RELL1: variants seen among roughly 807,000 people sequenced by gnomAD.
RELL1 encodes RELT like 1.
RELL1 carries 10 observed loss-of-function variants against 23.0 expected under a neutral mutation model. The ratio of observed to expected loss-of-function variants is 0.43; its 90% CI spans 0.27 to 0.74. RELL1 has a LOEUF of 0.74. Ranked by LOEUF, RELL1 falls within the 30% of genes least tolerant of loss-of-function variation. The probability of loss-of-function intolerance (pLI) is 0.19; values close to 1 mark genes in which losing one functional copy is unlikely to be tolerated. For missense variants in RELL1, 315 were observed against 364.4 expected, an observed-to-expected ratio of 0.86 and a Z score of 1.10; for synonymous variants, 146 against 146.8, an observed-to-expected ratio of 0.99 and a Z score of 0.04.
intron 6 of RELL1, among the ~76,000 whole-genome samples, chr4:37,593,298 C>A (rs1195027260): frequency 6.6e-6 from 1 of 152,054 alleles, no homozygotes; most frequent in Non-Finnish European, 1.5e-5. Context: ...AGTTAGTGAT[C>A]CAGGGTGGTA....
At position 37,658,464 on chromosome 4, in the gene RELL1, C is replaced by T. The variant is rs369185443; in HGVS notation, c.89-8964G>A. Among the ~76,000 whole-genome samples the T allele has an allele frequency of 6.9e-4, 105 of 152,368 alleles. 2 individuals carry two copies. In the South Asian group the frequency reaches 0.019, roughly 27 times the overall value. ...GCCAACACTAAGCTAAGCATTGAAT[C>T]TTCACAGTAAACCTATAAAATGGTT... is the stretch of plus-strand genomic sequence containing the variant. On this transcript the variant is annotated intron_variant, in intron 1 of 6. Coordinates refer to ENST00000454158, the MANE Select transcript of RELL1 (RefSeq NM_001085400.2).
intron 1 of RELL1, among the ~76,000 whole-genome samples, chr4:37,669,136 T>G: frequency 1.9e-5 from 2 of 107,212 alleles, no homozygotes; most frequent in African/African-American, 4.1e-5. Flanking sequence ...TACTGGGAAG[T>G]GAGGAGCCCC....
chr4:37,674,078 T>C (rs141429515), intron 1 of RELL1, among the ~76,000 whole-genome samples: 2 of 152,304 alleles, frequency 1.3e-5, no homozygotes, highest in African/African-American at 4.8e-5. Flanking sequence ...ATCGCCCTTA[T>C]CAGAAGGAAA....
At chr4:37,655,259 AT>A (rs1721081204) in intron 1 of RELL1, among the ~76,000 whole-genome samples, 4 of 152,104 alleles carry the variant, frequency 2.6e-5, no homozygotes, top group Admixed American at 6.5e-5. Context: ...ATATATATAT[AT>A]AAAAAGCAAG....
At chr4:37,680,873 A>T (rs1420933878) in intron 1 of RELL1, among the ~76,000 whole-genome samples, 4 of 148,350 alleles carry the variant, frequency 2.7e-5, no homozygotes, top group Non-Finnish European at 1.5e-5. Context: ...CGGAGCTTGC[A>T]GTGAGCTGAG....
chr4:37,685,168 T>A (rs1722358609), intron 1 of RELL1, among the ~76,000 whole-genome samples: 1 of 152,246 alleles, frequency 6.6e-6, no homozygotes, highest in African/African-American at 2.4e-5. Flanking sequence ...GACTGAAATG[T>A]TCTCAGGAGG....
At chr4:37,634,252 G>A (rs1720238267) in intron 5 of RELL1, among the ~76,000 whole-genome samples, 2 of 152,226 alleles carry the variant, frequency 1.3e-5, no homozygotes, top group Admixed American at 1.3e-4. Context: ...CTAAAAGAAA[G>A]CAGTCAAAGC....
intron 6 of RELL1, among the ~76,000 whole-genome samples, chr4:37,614,651 T>TAG (rs1719514609): frequency 6.9e-6 from 1 of 144,294 alleles, no homozygotes; most frequent in Admixed American, 7.0e-5. Flanking sequence ...AGGCCAGAGG[T>TAG]AGAGACATAT....
intron 6 of RELL1, among the ~76,000 whole-genome samples, chr4:37,625,810 A>T (rs1029061953): frequency 2.0e-5 from 3 of 152,250 alleles, no homozygotes; most frequent in African/African-American, 7.2e-5. Context: ...TATGTCAATC[A>T]GCTCAATTTA....
chr4:37,596,727 TATATA>T (rs1176413318), intron 6 of RELL1, among the ~76,000 whole-genome samples: 3 of 17,040 alleles, frequency 1.8e-4, no homozygotes, highest in Admixed American at 4.3e-4. Context: ...TATATATATA[TATATA>T]TATATTTTTT....
In RELL1 at chr4:37,628,354, G is replaced by C. The variant is rs537564630; in HGVS notation, c.*3+3031C>G. ...CTTAAGACCTTCATCTGCAAAATGG[G>C]GTACTAGCACCTATAGACTGCCGTG... On this transcript the variant is annotated intron_variant, in intron 6 of 6. Coordinates refer to ENST00000454158, the MANE Select transcript of RELL1 (RefSeq NM_001085400.2). Among the ~76,000 whole-genome samples the C allele has an allele frequency of 2.0e-5, 3 of 151,830 alleles. No homozygotes were observed. The South Asian group carries it at 6.2e-4, about 32-fold the overall frequency.
At chr4:37,676,937 C>T (rs762282456) in intron 1 of RELL1, among the ~76,000 whole-genome samples, 1 of 152,130 alleles carries the variant, frequency 6.6e-6, no homozygotes, top group Non-Finnish European at 1.5e-5. Context: ...CGTAGTCCCT[C>T]CCTCACCAAA....
chr4:37,594,886 G>A (rs1432212050), intron 6 of RELL1, among the ~76,000 whole-genome samples: 2 of 152,152 alleles, frequency 1.3e-5, no homozygotes, highest in African/African-American at 4.8e-5. Context: ...TGACTTCCCT[G>A]GTTTGGTCGT....
rs890854613 is a variant in RELL1, at chr4:37,686,354, C to G, written c.-67G>C. 3.4e-5 allele frequency: 43 copies of G among 1,260,798 alleles called. No homozygotes were observed. The highest frequency in any genetic ancestry group is 2.5e-4 in the East Asian group (8 of 32,156). 78.1% of individuals were successfully genotyped at this position (1,260,798 alleles called of 1,614,324 possible). On this transcript the variant is annotated 5_prime_UTR_variant, in exon 1 of 7. Transcript: ENST00000454158. ...CGCGCTCGGGAAGGCAGAGCCGCTC[C>G]GGAGCCGGCGGGCTGATCGAGTGGC...
intron 1 of RELL1, among the ~76,000 whole-genome samples, chr4:37,681,516 CTGTTTT>C (rs1722220939): frequency 2.7e-5 from 3 of 110,284 alleles, no homozygotes; most frequent in South Asian, 3.0e-4. Context: ...GGGTCTCCTT[CTGTTTT>C]TTTTTTTTTT....
chr4:37,652,480 T>G (rs1039002792), intron 1 of RELL1, among the ~76,000 whole-genome samples: 1 of 152,270 alleles, frequency 6.6e-6, no homozygotes, highest in African/African-American at 2.4e-5. Context: ...GTTTTCTTTA[T>G]TAATTCCTTT....
chr4:37,605,933 GAGA>G (rs1435148242), downstream of RELL1, among the ~76,000 whole-genome samples: 3 of 140,706 alleles, frequency 2.1e-5, no homozygotes, highest in South Asian at 2.3e-4. Context: ...GAGGGAGAGA[GAGA>G]AGGAGAGAAA....
At chr4:37,589,822 G>A (rs1718505948), downstream of RELL1, among the ~76,000 whole-genome samples, 1 of 152,138 alleles carries the variant, frequency 6.6e-6, no homozygotes, top group South Asian at 2.1e-4. Flanking sequence ...AGTAAAGATG[G>A]GGTTTCACCA....
chr4:37,660,300 G>C (rs553774398), intron 1 of RELL1, among the ~76,000 whole-genome samples: 11 of 151,980 alleles, frequency 7.2e-5, no homozygotes, highest in Non-Finnish European at 1.5e-4. Context: ...TTACAAGCAG[G>C]AGCTGATGTT....
Sources: gnomAD v4.1 joint callset for allele counts (sites outside exome capture counted in the v4.1 genomes callset) on GRCh38, gnomAD v4.1.1 for gene constraint, MANE v1.5 for transcripts, NCBI Gene and HGNC (gene_info 2026-07-23, HGNC 2026-07-21) for gene names.